The following AFMID variants were observed in gnomAD, a reference collection of about 807,000 sequenced individuals.
AFMID encodes the protein kynurenine formamidase.
Under a neutral mutation model 47.5 loss-of-function variants are expected in AFMID, and 39 were observed. That is an observed-to-expected ratio of 0.82 (90% confidence interval 0.64 to 1.07). The LOEUF is 1.07. AFMID is among the 50% of genes least tolerant of loss of function. AFMID has a pLI of 0.00. For synonymous variants in AFMID, 130 were observed against 153.2 expected (o/e 0.85, Z 1.12); for missense variants, 375 against 387.5 (o/e 0.97, Z 0.27).
At chr17:78,187,653 G>GCA (rs1598978409) in intron 1 of AFMID, among the ~76,000 whole-genome samples, 3 of 152,026 alleles carry the variant, frequency 2.0e-5, no homozygotes, top group Admixed American at 1.3e-4. Context: ...GAAAATTGAA[G>GCA]TCCTGACTAT....
intron 1 of AFMID, among the ~76,000 whole-genome samples, chr17:78,187,939 C>T (rs1206440596): frequency 8.8e-6 from 1 of 113,292 alleles, no homozygotes; most frequent in East Asian, 3.0e-4. Context: ...GAAGGCTGGG[C>T]GATAGACCAA....
chr17:78,193,700 A>T (rs928860908), intron 2 of AFMID, among the ~76,000 whole-genome samples: 33 of 152,070 alleles, frequency 2.2e-4, no homozygotes, highest in Middle Eastern at 3.2e-3. Flanking sequence ...TTTAAAGGCC[A>T]GGCGTGGCAG....
intron 2 of AFMID, chr17:78,197,274 G>A (rs2076138451): frequency 1.4e-6 from 2 of 1,449,990 alleles, no homozygotes; most frequent in Non-Finnish European, 1.9e-6. Context: ...ATGGCAGCCG[G>A]CAATGGCCTC....
intron 1 of AFMID, chr17:78,190,607 G>A (rs2075939399): frequency 5.2e-6 from 1 of 193,516 alleles, no homozygotes. Flanking sequence ...GGCCAGGCTG[G>A]TCTCAAACTT....
In AFMID at chr17:78,197,299, G is replaced by T. The variant is rs576953174; in HGVS notation, c.155-5200G>T. ...GCAATGGCCTCACAGTGACAAATGC[G>T]TCTGCCTTTTGACCCAGAATTCTAC... On this transcript the variant is annotated intron_variant, in intron 2 of 10. Transcript: ENST00000409257. 736 of 1,271,044 alleles carry T rather than the reference G, an allele frequency of 5.8e-4. 6 individuals are homozygous for T. The South Asian group carries it at 9.4e-3, about 16-fold the overall frequency. The allele number at this position is 1,271,044 out of a possible 1,614,324, so 78.7% of individuals were successfully genotyped here.
chr17:78,205,679 G>T lies in AFMID; in HGVS notation c.721G>T (p.Val241Leu). Reference protein sequence around the residue: ...QPVDPTCRVLVVVGQFDSPEF... With the variant: ...QPVDPTCRVLLVVGQFDSPEF... ...GGTGGACCCCACCTGCCGTGTGCTG[G>T]TGGTCGTGGGCCAGTTCGACTCCCC... Residue 241 changes from valine to leucine, a missense_variant, in exon 9 of 11, where the codon GTG becomes TTG. By Grantham distance (32) the Val-to-Leu change is conservative. Coordinates refer to ENST00000409257, the MANE Select transcript of AFMID (RefSeq NM_001010982.5). 6.2e-7 allele frequency: 1 copy of T among 1,613,320 alleles called. No individual in the cohort carries two copies.
chr17:78,193,829 T>G (rs973212620), intron 2 of AFMID, among the ~76,000 whole-genome samples: 4 of 151,716 alleles, frequency 2.6e-5, no homozygotes, highest in African/African-American at 7.3e-5. Context: ...TACAAAAAAT[T>G]AGCTGGGCGT....
chr17:78,205,965 G>T lies in AFMID; in HGVS notation c.800G>T (p.Trp267Leu). The T allele has an allele frequency of 1.2e-6, 2 of 1,614,056 alleles. No homozygotes were observed. Among genetic ancestry groups the T allele is most frequent in the Non-Finnish European group, 1.7e-6 (2 of 1,180,008 alleles). ...GCCCAGACCCTGTGTCAAGGAGAGT[G>T]GAAAGCCTCATTTGAAGAGCTCCAC... ...EFYQTLCQGE[W>L]KASFEELHDV... is the part of the protein sequence containing the mutation. The change falls in exon 10 of 11, where the codon TGG (tryptophan) becomes TTG (leucine). Residue 267 changes from tryptophan (W) to leucine (L), a missense_variant. Coordinates refer to ENST00000409257, the MANE Select transcript of AFMID (RefSeq NM_001010982.5).
chr17:78,194,029 A>T (rs1037391617), intron 2 of AFMID, among the ~76,000 whole-genome samples: 1 of 151,742 alleles, frequency 6.6e-6, no homozygotes, highest in Admixed American at 6.6e-5. Context: ...GTGCACCTGC[A>T]GTTCCACCTA....
chr17:78,196,560 T>C (rs1332271531), intron 2 of AFMID, among the ~76,000 whole-genome samples: 3 of 151,924 alleles, frequency 2.0e-5, no homozygotes, highest in African/African-American at 7.3e-5. Flanking sequence ...ATGCCTGTAA[T>C]CCCAGCCACC....
At chr17:78,205,390 G>A (rs1444018196) in intron 7 of AFMID, 50 bp from the exon 8 acceptor site, 22 of 1,604,364 alleles carry the variant, frequency 1.4e-5, no homozygotes, top group Non-Finnish European at 1.7e-5. Context: ...GGCTGGCCCT[G>A]CCTTGCTCCG....
At chr17:78,194,974 G>A (rs112275268) in intron 2 of AFMID, among the ~76,000 whole-genome samples, 29,028 of 151,886 alleles carry the variant, frequency 0.19, 3,381 homozygotes, top group Non-Finnish European at 0.26. Flanking sequence ...GATTACAGGC[G>A]TGAGCCACCG....
chr17:78,195,044 A>G (rs2076075214), intron 2 of AFMID, among the ~76,000 whole-genome samples: 1 of 152,190 alleles, frequency 6.6e-6, no homozygotes. Context: ...TTTTTTATCC[A>G]GATACAAAAG....
chr17:78,197,463 G>A, intron 2 of AFMID: 1 of 422,764 alleles, frequency 2.4e-6, no homozygotes, highest in Non-Finnish European at 4.2e-6. Context: ...TGGCAGGTCT[G>A]CAGCCCTGGG....
Position 78,187,430 on chromosome 17 carries a change from A to T in AFMID, c.60A>T (p.Ala20=). ...AGGTTCCTTGGAAGAAGATGTCTGC[A>T]GAGGTAGGTGGATTGCAGGGAGGGA... is the stretch of plus-strand genomic sequence containing the variant. ...PSKVPWKKMS[A]EELENQYCPS... Residue 20 remains alanine (A), a synonymous_variant, in exon 1 of 11, where the codon GCA becomes GCT. Transcript: ENST00000409257. 6.2e-7 allele frequency: 1 copy of T among 1,613,928 alleles called. No individual in the cohort carries two copies. The highest frequency in any genetic ancestry group is 8.5e-7 in the Non-Finnish European group (1 of 1,179,946).
chr17:78,205,277 G>T, intron 7 of AFMID, 87 bp downstream of exon 7: 1 of 1,463,016 alleles, frequency 6.8e-7, no homozygotes. Context: ...AATCCTCCCG[G>T]CCATGAGTGG....
chr17:78,206,888 T>C, intron 10 of AFMID, 23 bp from the exon 11 acceptor site: 1 of 1,613,628 alleles, frequency 6.2e-7, no homozygotes. Context: ...CTGGGGCTTT[T>C]GTGTCTTCTC....
At chr17:78,201,650 G>A (rs993664870) in intron 2 of AFMID, among the ~76,000 whole-genome samples, 2 of 152,054 alleles carry the variant, frequency 1.3e-5, no homozygotes, top group African/African-American at 2.4e-5. Flanking sequence ...AAAGTATAGC[G>A]CACATAATAA....
At chr17:78,197,087 C>A (rs2076133635) in intron 2 of AFMID, 1 of 1,442,986 alleles carries the variant, frequency 6.9e-7, no homozygotes, top group Non-Finnish European at 9.5e-7. Flanking sequence ...CCACTTAGAA[C>A]ATAAATTCCA....
Sources: allele counts gnomAD v4.1 joint callset (sites outside exome capture counted in the v4.1 genomes callset), GRCh38; gene constraint gnomAD v4.1.1; transcripts MANE v1.5; gene names NCBI Gene and HGNC (gene_info 2026-07-23, HGNC 2026-07-21).